Variants in POU2F1 observed in about 807,000 individuals in gnomAD.
POU2F1 encodes POU class 2 homeobox 1, also known as POU domain, class 2, transcription factor 1.
In POU2F1, 16 loss-of-function variants were observed where a neutral mutation model predicts 84.9. The observed-to-expected ratio is 0.19, with a 90% CI of 0.13 to 0.29. The LOEUF (loss-of-function observed/expected upper bound fraction) is 0.29, where lower values mean the gene tolerates loss of function less well. Ranked by LOEUF, POU2F1 falls within the 10% of genes least tolerant of loss-of-function variation. The probability of loss-of-function intolerance (pLI) is 1.00; values close to 1 mark genes in which losing one functional copy is unlikely to be tolerated. For synonymous variants in POU2F1, 368 were observed against 368.3 expected, an observed-to-expected ratio of 1.00 and a Z score of 0.01; for missense variants, 738 against 942.6, an observed-to-expected ratio of 0.78 and a Z score of 2.84.
At chr1:167,362,701 C>T (rs531050398) in intron 2 of POU2F1, among the ~76,000 whole-genome samples, 2 of 152,226 alleles carry the variant, frequency 1.3e-5, no homozygotes, top group South Asian at 4.1e-4. Flanking sequence ...GTTGGGGTTT[C>T]TGTGGGAAAG....
At chr1:167,323,080 G>A (rs113152177) in intron 1 of POU2F1, among the ~76,000 whole-genome samples, 8 of 152,272 alleles carry the variant, frequency 5.3e-5, no homozygotes, top group African/African-American at 1.7e-4. Context: ...TCCTCAACAC[G>A]TTCTTGTCTT....
At chr1:167,224,449 CAG>C (rs763480366) in intron 1 of POU2F1, among the ~76,000 whole-genome samples, 1 of 152,058 alleles carries the variant, frequency 6.6e-6, no homozygotes, top group Non-Finnish European at 1.5e-5. Context: ...GCTTTTAAAA[CAG>C]ATTTTTTAAA....
chr1:167,232,898 C>T (rs1649169556), intron 1 of POU2F1, among the ~76,000 whole-genome samples: 1 of 151,216 alleles, frequency 6.6e-6, no homozygotes, highest in Non-Finnish European at 1.5e-5. Context: ...TGAACACAGA[C>T]TTTTTCTCTT....
chr1:167,413,173 G>C, intron 15 of POU2F1, 59 bp downstream of exon 15: 1 of 1,337,974 alleles, frequency 7.5e-7, no homozygotes, highest in South Asian at 1.2e-5. Flanking sequence ...GTGTGTGTGT[G>C]TGTGTGTGTG....
intron 1 of POU2F1, among the ~76,000 whole-genome samples, chr1:167,290,176 A>G (rs1335152117): frequency 6.6e-6 from 1 of 151,992 alleles, no homozygotes; most frequent in East Asian, 1.9e-4. Flanking sequence ...GGATCACTTG[A>G]GCTCTGGAGT....
chr1:167,316,706 G>T (rs981904731), intron 1 of POU2F1, among the ~76,000 whole-genome samples: 2 of 152,116 alleles, frequency 1.3e-5, no homozygotes, highest in African/African-American at 2.4e-5. Context: ...AAGCCTGAGT[G>T]TAACAGATAA....
intron 7 of POU2F1, among the ~76,000 whole-genome samples, chr1:167,382,242 C>T (rs1366587455): frequency 2.6e-5 from 4 of 151,844 alleles, no homozygotes; most frequent in Non-Finnish European, 5.9e-5. Context: ...TAATGGTTAA[C>T]CTAAAGAAGA....
At chr1:167,396,724 A>T in intron 10 of POU2F1, 1 of 242,354 alleles carries the variant, frequency 4.1e-6, no homozygotes, top group Admixed American at 5.3e-5. Flanking sequence ...AAGGAATAGG[A>T]TAAGTAAGGC....
At chr1:167,367,337 CT>C (rs1432772375) in intron 3 of POU2F1, among the ~76,000 whole-genome samples, 1 of 152,022 alleles carries the variant, frequency 6.6e-6, no homozygotes, top group African/African-American at 2.4e-5. Context: ...AAATGGAAAC[CT>C]TTTGTTGTTT....
chr1:167,295,838 T>C (rs1287207638), intron 1 of POU2F1, among the ~76,000 whole-genome samples: 4 of 152,074 alleles, frequency 2.6e-5, no homozygotes, highest in Non-Finnish European at 4.4e-5. Context: ...CTCTTAAGGG[T>C]CGTTGTAAAT....
intron 1 of POU2F1, among the ~76,000 whole-genome samples, chr1:167,294,680 A>T (rs1279761697): frequency 2.0e-5 from 3 of 152,234 alleles, no homozygotes; most frequent in Non-Finnish European, 2.9e-5. Context: ...GCTTGGAATC[A>T]TTAGTCATCA....
At chr1:167,255,472 A>T (rs938087807) in intron 1 of POU2F1, among the ~76,000 whole-genome samples, 1 of 152,218 alleles carries the variant, frequency 6.6e-6, no homozygotes, top group Non-Finnish European at 1.5e-5. Context: ...CTAGATGAGG[A>T]TGGTTAAAAA....
In POU2F1 at chr1:167,389,496, A is replaced by G. The variant is rs1180113544; in HGVS notation, c.814-92A>G. The G allele has an allele frequency of 7.2e-6, 10 of 1,382,642 alleles. No individual in the cohort carries two copies. In the East Asian group the frequency reaches 2.1e-4, roughly 30 times the overall value. 85.6% of individuals were successfully genotyped at this position (1,382,642 alleles called of 1,614,324 possible). ...TTACATGGTCTTCATCGTTATCCAT[A>G]AATGTGGCTCTTTCCTTCAGTTGTT... On this transcript the variant is annotated intron_variant, in intron 8 of 15. Transcript: ENST00000367866.
At chr1:167,278,575 A>G (rs941124646) in intron 1 of POU2F1, among the ~76,000 whole-genome samples, 1 of 152,230 alleles carries the variant, frequency 6.6e-6, no homozygotes, top group African/African-American at 2.4e-5. Flanking sequence ...TGTTACATTT[A>G]TCATTCGACA....
intron 1 of POU2F1, among the ~76,000 whole-genome samples, chr1:167,312,711 C>G (rs889980973): frequency 1.3e-5 from 2 of 152,206 alleles, no homozygotes; most frequent in African/African-American, 2.4e-5. Context: ...TTCACATTCA[C>G]TCACAACTCC....
At chr1:167,367,688 T>C (rs1436447668) in intron 3 of POU2F1, among the ~76,000 whole-genome samples, 3 of 152,212 alleles carry the variant, frequency 2.0e-5, no homozygotes, top group Non-Finnish European at 4.4e-5. Context: ...GTTGTTACTA[T>C]TTTACCATAT....
At chr1:167,383,224 T>C (rs1360437336) in intron 7 of POU2F1, among the ~76,000 whole-genome samples, 2 of 152,176 alleles carry the variant, frequency 1.3e-5, no homozygotes, top group African/African-American at 4.8e-5. Flanking sequence ...GTTGGTCCTG[T>C]CTATCAGTTT....
chr1:167,416,315 C>A lies in POU2F1; in HGVS notation c.*505C>A, dbSNP rs962859666. ...TAAGTCATAACAAGGTGTTTATAAT[C>A]GTATCAATTGTGTTGGGGGTTCCTT... On this transcript the variant is annotated 3_prime_UTR_variant, in exon 16 of 16. Transcript: ENST00000367866. 1.2e-5 allele frequency: 3 copies of A among 241,984 alleles called. No individual in the cohort carries two copies. Among genetic ancestry groups the A allele is most frequent in the Non-Finnish European group, 2.4e-5 (3 of 123,544 alleles). The allele number at this position is 241,984 out of a possible 1,614,324, so 15.0% of individuals were successfully genotyped here. A position where few individuals can be genotyped will look rare whatever the true frequency, so the allele number is the denominator to read the frequency against.
intron 1 of POU2F1, among the ~76,000 whole-genome samples, chr1:167,309,431 A>G (rs1251684344): frequency 6.6e-6 from 1 of 152,076 alleles, no homozygotes; most frequent in Non-Finnish European, 1.5e-5. Context: ...CTTCACTCTC[A>G]TTATCCTTAA....
Sources: gnomAD v4.1 joint callset for allele counts (sites outside exome capture counted in the v4.1 genomes callset) on GRCh38, gnomAD v4.1.1 for gene constraint, MANE v1.5 for transcripts, NCBI Gene and HGNC (gene_info 2026-07-23, HGNC 2026-07-21) for gene names.